PRICKLE2: variants seen among roughly 807,000 people sequenced by gnomAD.
PRICKLE2 encodes the protein prickle planar cell polarity protein 2, also known as prickle-like protein 2.
Under a neutral mutation model 81.4 loss-of-function variants are expected in PRICKLE2, and 21 were observed. The observed-to-expected ratio is 0.26, with a 90% CI of 0.18 to 0.37. The LOEUF is 0.37. PRICKLE2 is among the 10% of genes least tolerant of loss of function. The probability of loss-of-function intolerance (pLI) is 1.00; values close to 1 mark genes in which losing one functional copy is unlikely to be tolerated. For missense variants in PRICKLE2, 940 were observed against 1,109.0 expected (o/e 0.85, Z 2.16); for synonymous variants, 456 against 421.5 (o/e 1.08, Z -1.00).
chr3:64,230,029 G>C (rs900337021), upstream of PRICKLE2, among the ~76,000 whole-genome samples: 1 of 152,180 alleles, frequency 6.6e-6, no homozygotes, highest in Non-Finnish European at 1.5e-5. Context: ...CTTCCTTCTT[G>C]TGCCTCTGTG....
At chr3:64,170,543 AG>A (rs1476940865) in intron 2 of PRICKLE2, among the ~76,000 whole-genome samples, 2 of 152,066 alleles carry the variant, frequency 1.3e-5, no homozygotes, top group Non-Finnish European at 2.9e-5. Context: ...AATATAAACC[AG>A]GGTGTGTCAC....
Position 64,099,354 on chromosome 3 carries a change from C to T in PRICKLE2, c.2232G>A (p.Leu744=). 6.2e-7 allele frequency: 1 copy of T among 1,614,118 alleles called. No individual in the cohort carries two copies. Among genetic ancestry groups the T allele is most frequent in the Non-Finnish European group, 8.5e-7 (1 of 1,179,928 alleles). The change falls in exon 8 of 8, where the codon CTG becomes CTA. Residue 744 remains leucine, a synonymous_variant. Coordinates refer to ENST00000638394, the MANE Select transcript of PRICKLE2 (RefSeq NM_198859.4). The surrounding 1 kb of genome is among the most constrained non-coding windows in gnomAD (Gnocchi z 4.3). ...ESMGHGSRRD[L]YGQCPRTVSD... is the part of the protein sequence containing the mutation. ...ACACAGTCCTAGGGCACTGGCCGTA[C>T]AGGTCCCTCCGGGACCCATGCCCCA...
chr3:64,192,161 G>A (rs181460372), intron 2 of PRICKLE2, among the ~76,000 whole-genome samples: 2 of 152,286 alleles, frequency 1.3e-5, no homozygotes, highest in Non-Finnish European at 2.9e-5. Context: ...TAATGCCAAA[G>A]GCTTTTATCT....
chr3:64,263,376 C>T (rs961427978), intron 2 of PRICKLE2, among the ~76,000 whole-genome samples: 11 of 152,140 alleles, frequency 7.2e-5, no homozygotes, highest in African/African-American at 2.7e-4. Context: ...AATTCTGCAG[C>T]AATTAAGCAA....
At chr3:64,228,188 T>C (rs2079055111), upstream of PRICKLE2, among the ~76,000 whole-genome samples, 1 of 152,234 alleles carries the variant, frequency 6.6e-6, no homozygotes, top group Non-Finnish European at 1.5e-5. Flanking sequence ...GTCACTGTGC[T>C]AGGGTCTGGG....
intron 1 of PRICKLE2, 110 bp downstream of exon 1, chr3:64,224,800 G>C (rs550312712): frequency 1.7e-6 from 1 of 591,284 alleles, no homozygotes; most frequent in African/African-American, 2.0e-5. Context: ...CCAAGAAAAC[G>C]AAGACCCAAT....
intron 1 of PRICKLE2, among the ~76,000 whole-genome samples, chr3:64,214,368 C>T (rs866807444): frequency 2.0e-5 from 3 of 152,156 alleles, no homozygotes; most frequent in South Asian, 4.1e-4. Context: ...GGATGTAAAG[C>T]CCCTCAATTC....
intron 3 of PRICKLE2, 47 bp from the exon 4 acceptor site, chr3:64,160,124 T>C: frequency 6.2e-7 from 1 of 1,602,452 alleles, no homozygotes; most frequent in Non-Finnish European, 8.5e-7. Flanking sequence ...CCTTGCTCCT[T>C]AAGATTTCTG....
At chr3:64,216,297 G>A (rs2078870734) in intron 1 of PRICKLE2, among the ~76,000 whole-genome samples, 1 of 152,124 alleles carries the variant, frequency 6.6e-6, no homozygotes, top group Admixed American at 6.5e-5. Flanking sequence ...CTTAAAAAAT[G>A]GACATATGCA....
At chr3:64,100,294 T>G in intron 7 of PRICKLE2, 1 of 271,042 alleles carries the variant, frequency 3.7e-6, no homozygotes, top group Non-Finnish European at 7.1e-6. Context: ...TCATGCACTA[T>G]AAGCTCTGTA....
intron 7 of PRICKLE2, among the ~76,000 whole-genome samples, chr3:64,140,040 C>T (rs1040940297): frequency 6.6e-6 from 1 of 152,192 alleles, no homozygotes; most frequent in African/African-American, 2.4e-5. Flanking sequence ...ATTCCCAGCA[C>T]CTTGCATAGG....
chr3:64,247,816 G>A (rs1001380294), intron 2 of PRICKLE2, among the ~76,000 whole-genome samples: 2 of 152,146 alleles, frequency 1.3e-5, no homozygotes, highest in Non-Finnish European at 2.9e-5. Context: ...ATTTAATTAG[G>A]AGTTATAGCA....
chr3:64,191,257 T>C (rs1234079415), intron 2 of PRICKLE2, among the ~76,000 whole-genome samples: 6 of 152,234 alleles, frequency 3.9e-5, no homozygotes, highest in Non-Finnish European at 8.8e-5. Flanking sequence ...AAGCCAAACG[T>C]TCCTTCTGCT....
intron 7 of PRICKLE2, among the ~76,000 whole-genome samples, chr3:64,134,199 G>A (rs2106991425): frequency 6.6e-6 from 1 of 152,312 alleles, no homozygotes; most frequent in African/African-American, 2.4e-5. Flanking sequence ...GAGTCACACA[G>A]CTAGAGAGGT....
chr3:64,238,664 G>T (rs997253181), intron 2 of PRICKLE2, among the ~76,000 whole-genome samples: 9 of 152,130 alleles, frequency 5.9e-5, no homozygotes, highest in African/African-American at 1.9e-4. Context: ...AGGAGGTGGG[G>T]TAAGGCAAGT....
chr3:64,160,337 C>G (rs545827287), intron 3 of PRICKLE2, among the ~76,000 whole-genome samples: 16 of 152,316 alleles, frequency 1.1e-4, no homozygotes, highest in African/African-American at 3.9e-4. Context: ...CTAAAGGTGC[C>G]TGCTCCTTAT....
intron 2 of PRICKLE2, among the ~76,000 whole-genome samples, chr3:64,179,017 TTCTTTC>T (rs2078077986): frequency 6.7e-6 from 1 of 149,884 alleles, no homozygotes; most frequent in Non-Finnish European, 1.5e-5. Flanking sequence ...CTTTCTTTCT[TTCTTTC>T]TTTCTTTCTT....
At chr3:64,242,481 T>A (rs971586976) in intron 2 of PRICKLE2, among the ~76,000 whole-genome samples, 2 of 152,266 alleles carry the variant, frequency 1.3e-5, no homozygotes, top group Non-Finnish European at 2.9e-5. Context: ...CTTCAGCTTA[T>A]CTGGGTGGTA....
intron 1 of PRICKLE2, among the ~76,000 whole-genome samples, chr3:64,210,600 G>C (rs1445652232): frequency 2.6e-5 from 4 of 152,152 alleles, no homozygotes; most frequent in African/African-American, 7.2e-5. Context: ...GCTGAAGTTG[G>C]TACAGGGTAA....
Sources: gnomAD v4.1 joint callset for allele counts (sites outside exome capture counted in the v4.1 genomes callset) on GRCh38, gnomAD v4.1.1 for gene constraint, Gnocchi (gnomAD v3.1) non-coding constraint, MANE v1.5 for transcripts, NCBI Gene and HGNC (gene_info 2026-07-23, HGNC 2026-07-21) for gene names.